Variants in MOSMO observed in about 807,000 individuals in gnomAD.
MOSMO encodes modulator of smoothened.
MOSMO carries 5 observed loss-of-function variants against 18.4 expected under a neutral mutation model. That is an observed-to-expected ratio of 0.27 (90% confidence interval 0.14 to 0.57). The LOEUF is 0.57. Ranked by LOEUF, MOSMO falls within the 20% of genes least tolerant of loss-of-function variation. The pLI is 0.92. For missense variants in MOSMO, 138 were observed against 211.8 expected (o/e 0.65, Z 2.16); for synonymous variants, 82 against 82.3 (o/e 1.00, Z 0.02).
intron 1 of MOSMO, among the ~76,000 whole-genome samples, chr16:22,067,686 ATGT>A (rs904185400): frequency 3.3e-5 from 5 of 152,084 alleles, no homozygotes; most frequent in Non-Finnish European, 7.4e-5. Context: ...ATGGTGAAGC[ATGT>A]TGTTTAGTAG....
chr16:22,021,438 C>T (rs1899760307), intron 1 of MOSMO, among the ~76,000 whole-genome samples: 1 of 152,004 alleles, frequency 6.6e-6, no homozygotes, highest in Admixed American at 6.6e-5. Context: ...CATGAATATC[C>T]TCTTACTTGA....
At chr16:22,037,388 T>G (rs2142000096) in intron 1 of MOSMO, among the ~76,000 whole-genome samples, 1 of 152,300 alleles carries the variant, frequency 6.6e-6, no homozygotes, top group Middle Eastern at 3.4e-3. Flanking sequence ...TGAAATCAGT[T>G]TCTCCAACTA....
In MOSMO at chr16:22,025,965, C is replaced by T. The variant is rs544719979; in HGVS notation, c.106+17558C>T. On this transcript the variant is annotated intron_variant, in intron 1 of 2. Coordinates refer to ENST00000542527, the MANE Select transcript of MOSMO (RefSeq NM_001164579.2). Reference sequence around the variant, plus strand: ...TTCAAGAACTTAGTAACCATTTGAACCCCCTTTTTTCAATAATTTCATTCC... The same window carrying T: ...TTCAAGAACTTAGTAACCATTTGAATCCCCTTTTTTCAATAATTTCATTCC... 2.6e-5 allele frequency among the ~76,000 whole-genome samples: 4 copies of T among 152,194 alleles called. No homozygotes were observed. In the South Asian group the frequency reaches 8.3e-4, roughly 32 times the overall value.
In MOSMO at chr16:22,082,891, G is replaced by T. The variant is rs1363040978; in HGVS notation, c.*2011G>T. The T allele has an allele frequency of 6.6e-6, 1 of 152,168 alleles. No homozygotes were observed. The highest frequency in any genetic ancestry group is 6.5e-5 in the Admixed American group (1 of 15,280). The allele number at this position is 152,168 out of a possible 1,614,324, so 9.4% of individuals were successfully genotyped here. A position where few individuals can be genotyped will look rare whatever the true frequency, so the allele number is the denominator to read the frequency against. On this transcript the variant is annotated 3_prime_UTR_variant, in exon 3 of 3. Coordinates refer to ENST00000542527, the MANE Select transcript of MOSMO (RefSeq NM_001164579.2). ...GTAAAAGAAACCTTTGGGAGATCCT[G>T]AGGGAGACTGTTTCTCCCCAAGTAT...
intron 1 of MOSMO, among the ~76,000 whole-genome samples, chr16:22,032,372 A>G (rs374780797): frequency 1.6e-4 from 24 of 151,914 alleles, no homozygotes; most frequent in African/African-American, 5.8e-4. Context: ...TTGTGTTTTT[A>G]GTAGAGATGG....
chr16:22,078,886 A>G (rs1374666293), intron 2 of MOSMO, among the ~76,000 whole-genome samples: 1 of 152,230 alleles, frequency 6.6e-6, no homozygotes, highest in Non-Finnish European at 1.5e-5. Context: ...GCTATAAAAC[A>G]TAATGCCTGA....
At chr16:22,037,678 G>A (rs761168092) in intron 1 of MOSMO, among the ~76,000 whole-genome samples, 17 of 152,162 alleles carry the variant, frequency 1.1e-4, no homozygotes, top group Non-Finnish European at 2.5e-4. Context: ...CTACTTTGCT[G>A]GGACAGCTCA....
At chr16:22,070,563 A>G (rs1172596986) in intron 1 of MOSMO, among the ~76,000 whole-genome samples, 1 of 152,204 alleles carries the variant, frequency 6.6e-6, no homozygotes, top group African/African-American at 2.4e-5. Context: ...GGCATACTAC[A>G]GTGGAGAGTA....
chr16:22,055,532 C>T (rs1303213285), intron 1 of MOSMO, among the ~76,000 whole-genome samples: 1 of 152,180 alleles, frequency 6.6e-6, no homozygotes, highest in Non-Finnish European at 1.5e-5. Flanking sequence ...AGCTATTTTT[C>T]CTACTACCCT....
At chr16:22,024,014 T>TATATATATATATATA (rs1411057144) in intron 1 of MOSMO, among the ~76,000 whole-genome samples, 41 of 136,952 alleles carry the variant, frequency 3.0e-4, no homozygotes, top group African/African-American at 1.1e-3. Flanking sequence ...TATATATATA[T>TATATATATATATATA]ATTTTCTTAA....
intron 1 of MOSMO, among the ~76,000 whole-genome samples, chr16:22,064,920 T>C (rs986392273): frequency 6.6e-6 from 1 of 152,344 alleles, no homozygotes; most frequent in Non-Finnish European, 1.5e-5. Context: ...ATGGATAGTT[T>C]AAACATTGTG....
intron 1 of MOSMO, among the ~76,000 whole-genome samples, chr16:22,008,677 C>G (rs938543674): frequency 2.6e-5 from 4 of 151,372 alleles, no homozygotes; most frequent in Non-Finnish European, 4.4e-5. Context: ...TGGCAAGTCC[C>G]GGACCGGGGA....
At chr16:22,017,997 C>T (rs1055561947) in intron 1 of MOSMO, among the ~76,000 whole-genome samples, 1 of 151,992 alleles carries the variant, frequency 6.6e-6, no homozygotes, top group Non-Finnish European at 1.5e-5. Flanking sequence ...TGTGTGACTC[C>T]AGTTCACTTT....
intron 1 of MOSMO, among the ~76,000 whole-genome samples, chr16:22,063,467 C>T (rs1900690108): frequency 6.6e-6 from 1 of 152,114 alleles, no homozygotes; most frequent in South Asian, 2.1e-4. Context: ...CTGGTCGATG[C>T]AAATAGGTAA....
intron 1 of MOSMO, among the ~76,000 whole-genome samples, chr16:22,069,444 A>G (rs935954305): frequency 3.9e-5 from 6 of 152,188 alleles, no homozygotes; most frequent in African/African-American, 1.4e-4. Context: ...GATCCAAGAA[A>G]GATCCCTAAA....
chr16:22,047,139 A>G (rs1900324642), intron 1 of MOSMO, among the ~76,000 whole-genome samples: 1 of 149,866 alleles, frequency 6.7e-6, no homozygotes, highest in African/African-American at 2.5e-5. Flanking sequence ...GATATATACT[A>G]TTGTGTGGTT....
chr16:22,032,188 CTTTTTTTTTTTT>C (rs1323183775), intron 1 of MOSMO, among the ~76,000 whole-genome samples: 1 of 132,686 alleles, frequency 7.5e-6, no homozygotes, highest in Non-Finnish European at 1.6e-5. Flanking sequence ...CTACCCTTTT[CTTTTTTTTTTTT>C]TTTTTTGGTG....
downstream of MOSMO, among the ~76,000 whole-genome samples, chr16:22,091,359 A>G (rs1901319247): frequency 6.6e-6 from 1 of 152,114 alleles, no homozygotes; most frequent in African/African-American, 2.4e-5. Flanking sequence ...GGTGTTCCCT[A>G]CCATATGATG....
chr16:22,057,020 A>G (rs1420036464), intron 1 of MOSMO, among the ~76,000 whole-genome samples: 1 of 152,196 alleles, frequency 6.6e-6, no homozygotes, highest in Non-Finnish European at 1.5e-5. Context: ...AGTTAATTAA[A>G]TAGTATCAGT....
Sources: allele counts gnomAD v4.1 joint callset (sites outside exome capture counted in the v4.1 genomes callset), GRCh38; gene constraint gnomAD v4.1.1; transcripts MANE v1.5; gene names NCBI Gene and HGNC (gene_info 2026-07-23, HGNC 2026-07-21).